MGAM2: variants seen among roughly 807,000 people sequenced by gnomAD.
MGAM2 encodes the protein maltase-glucoamylase 2 (putative).
MGAM2 carries 98 observed loss-of-function variants against 96.1 expected under a neutral mutation model. That is an observed-to-expected ratio of 1.02 (90% CI 0.87 to 1.21). The LOEUF (loss-of-function observed/expected upper bound fraction) is 1.21. MGAM2 is among the 50% of genes most tolerant of loss of function. The pLI is 0.00. For synonymous variants in MGAM2, 749 were observed against 414.8 expected, an observed-to-expected ratio of 1.81 and a Z score of -9.79; for missense variants, 2,055 against 1,182.4, an observed-to-expected ratio of 1.74 and a Z score of -10.82.
intron 18 of MGAM2, 42 bp from the exon 19 acceptor site, chr7:142,158,206 T>C (rs1433921164): frequency 1.4e-6 from 1 of 702,740 alleles, no homozygotes; most frequent in Non-Finnish European, 2.6e-6. Context: ...TTGTCCTGTA[T>C]TAGAGACTTC....
In MGAM2 at chr7:142,154,838, G is replaced by A. The variant is rs1294510210; in HGVS notation, c.1916G>A (p.Gly639Glu). The change falls in exon 17 of 48, where the codon GGG becomes GAG. Residue 639 changes from glycine to glutamate, a missense_variant. Coordinates refer to ENST00000477922, the MANE Select transcript of MGAM2 (RefSeq NM_001293626.2). ...CTACCAAGGAATCACAATGGGCCTGGGTTCAGGGTAAGGTCACCAAAAGAA... is the reference window on the plus strand; with the variant it reads ...CTACCAAGGAATCACAATGGGCCTGAGTTCAGGGTAAGGTCACCAAAAGAA... ...YPLPRNHNGPGFRDQDPAAFG... is the reference protein window; with the variant it reads ...YPLPRNHNGPEFRDQDPAAFG... 2 of 703,190 alleles carry A rather than the reference G, an allele frequency of 2.8e-6. No homozygotes were observed. The highest frequency in any genetic ancestry group is 1.5e-5 in the South Asian group (1 of 67,600). The allele number at this position is 703,190 out of a possible 1,614,324, so 43.6% of individuals were successfully genotyped here.
intron 32 of MGAM2, among the ~76,000 whole-genome samples, chr7:142,178,109 T>C (rs1796430807): frequency 6.6e-6 from 1 of 152,152 alleles, no homozygotes; most frequent in African/African-American, 2.4e-5. Flanking sequence ...CATTTCTCTA[T>C]TAGTTATGCT....
intron 14 of MGAM2, among the ~76,000 whole-genome samples, chr7:142,146,582 G>T (rs911740881): frequency 2.0e-5 from 3 of 152,078 alleles, no homozygotes; most frequent in Non-Finnish European, 4.4e-5. Flanking sequence ...CGGCCCCAGT[G>T]AAGAGTTCAC....
intron 32 of MGAM2, among the ~76,000 whole-genome samples, chr7:142,179,722 A>G (rs908283703): frequency 5.9e-5 from 9 of 152,112 alleles, no homozygotes; most frequent in African/African-American, 2.2e-4. Flanking sequence ...CTACTTGAAC[A>G]TGGTCAGTTA....
chr7:142,131,707 G>T (rs1794894268), intron 5 of MGAM2, 80 bp downstream of exon 5: 1 of 671,010 alleles, frequency 1.5e-6, no homozygotes, highest in African/African-American at 1.8e-5. Flanking sequence ...GGAGGCAGAA[G>T]GTACCTCTCT....
Position 142,141,747 on chromosome 7 carries a change from G to T in MGAM2, c.1317+628G>T, listed in dbSNP as rs182542423. Among the ~76,000 whole-genome samples, 409 of 152,096 alleles carry T rather than the reference G, an allele frequency of 2.7e-3. 4 individuals carry two copies. Among genetic ancestry groups the T allele is most frequent in the African/African-American group, 9.4e-3 (389 of 41,504 alleles). ...ACTCCTGACCTCAGGTGATTTGCCTGCCTCAGCCTCCCAAACTGCTGGGAT... is the reference window on the plus strand; with the variant it reads ...ACTCCTGACCTCAGGTGATTTGCCTTCCTCAGCCTCCCAAACTGCTGGGAT... On this transcript the variant is annotated intron_variant, in intron 12 of 47. Transcript: ENST00000477922.
chr7:142,179,090 G>A (rs1209646434), intron 32 of MGAM2, among the ~76,000 whole-genome samples: 1 of 152,028 alleles, frequency 6.6e-6, no homozygotes, highest in Non-Finnish European at 1.5e-5. Flanking sequence ...GTTCTTCTAG[G>A]TGTGAAGTTG....
chr7:142,209,785 T>C (rs962502651), intron 46 of MGAM2, among the ~76,000 whole-genome samples: 1 of 152,194 alleles, frequency 6.6e-6, no homozygotes, highest in African/African-American at 2.4e-5. Context: ...GAGAGCATAT[T>C]TTAGAGCTGT....
intron 46 of MGAM2, among the ~76,000 whole-genome samples, chr7:142,217,187 A>G (rs1797789569): frequency 3.3e-5 from 5 of 152,110 alleles, no homozygotes; most frequent in Admixed American, 3.3e-4. Context: ...CTCATAATTT[A>G]TGTCATATTA....
At position 142,218,421 on chromosome 7, in the gene MGAM2, G is replaced by A. The variant is rs984865712; in HGVS notation, c.5248G>A (p.Val1750Ile). ...TTTGAGTGACTCGAATCCACTAAAAGTTGGGTATATTAGAATCTGGGGTGT... is the reference window on the plus strand; with the variant it reads ...TTTGAGTGACTCGAATCCACTAAAAATTGGGTATATTAGAATCTGGGGTGT... ...KYLSDSNPLK[V>I]GYIRIWGVNT... The change falls in exon 47 of 48, where the codon GTT becomes ATT. Residue 1750 changes from valine to isoleucine, a missense_variant. By Grantham distance (29) the Val-to-Ile change is conservative. Coordinates refer to ENST00000477922, the MANE Select transcript of MGAM2 (RefSeq NM_001293626.2). 3 of 702,538 alleles carry A rather than the reference G, an allele frequency of 4.3e-6. No individual in the cohort carries two copies. Among genetic ancestry groups the A allele is most frequent in the Non-Finnish European group, 7.8e-6 (3 of 384,848 alleles). The allele number at this position is 702,538 out of a possible 1,614,324, so 43.5% of individuals were successfully genotyped here.
In MGAM2 at chr7:142,185,068, T is replaced by C. The variant is rs1406262565; in HGVS notation, c.3925-9T>C. 2 of 702,846 alleles carry C rather than the reference T, an allele frequency of 2.8e-6. No homozygotes were observed. Among genetic ancestry groups the C allele is most frequent in the Non-Finnish European group, 5.2e-6 (2 of 384,902 alleles). 43.5% of individuals were successfully genotyped at this position (702,846 alleles called of 1,614,324 possible). ...TGTAAAGGTTTTAATTGCCCTTCTT[T>C]TTCTCTAGGTTTGGCCAGATCTGCC... On this transcript the variant is annotated splice_polypyrimidine_tract_variant and intron_variant, in intron 33 of 47. Transcript: ENST00000477922.
chr7:142,175,887 CT>C, intron 32 of MGAM2, 107 bp downstream of exon 32: 1 of 504,030 alleles, frequency 2.0e-6, no homozygotes, highest in South Asian at 3.2e-5. Flanking sequence ...TGTTCCTGTA[CT>C]CTGTACTTTT....
At chr7:142,151,524 G>C (rs937782233) in intron 15 of MGAM2, among the ~76,000 whole-genome samples, 2 of 152,130 alleles carry the variant, frequency 1.3e-5, no homozygotes, top group African/African-American at 4.8e-5. Context: ...ATGAGACTCG[G>C]ATTGGTATTC....
chr7:142,216,498 C>T (rs1415622781), intron 46 of MGAM2, among the ~76,000 whole-genome samples: 1 of 152,108 alleles, frequency 6.6e-6, no homozygotes, highest in African/African-American at 2.4e-5. Context: ...AGAAAGATCG[C>T]AACTTTCCTT....
intron 3 of MGAM2, among the ~76,000 whole-genome samples, chr7:142,124,440 A>G (rs1013857908): frequency 3.9e-5 from 6 of 152,154 alleles, no homozygotes; most frequent in Non-Finnish European, 7.4e-5. Flanking sequence ...TTCTTTTGCC[A>G]ATACCATACA....
intron 46 of MGAM2, among the ~76,000 whole-genome samples, chr7:142,213,405 A>G (rs1797654890): frequency 6.6e-6 from 1 of 152,186 alleles, no homozygotes; most frequent in African/African-American, 2.4e-5. Context: ...GAAATGATTA[A>G]CAGAATAGTT....
chr7:142,158,087 C>T lies in MGAM2; in HGVS notation c.2074C>T (p.His692Tyr), dbSNP rs1795789601. 1.4e-6 allele frequency: 1 copy of T among 702,082 alleles called. No homozygotes were observed. Among genetic ancestry groups the T allele is most frequent in the African/African-American group, 1.7e-5 (1 of 57,232 alleles). The allele number at this position is 702,082 out of a possible 1,614,324, so 43.5% of individuals were successfully genotyped here. Residue 692 changes from histidine to tyrosine, a missense_variant, in exon 18 of 48, where the codon CAT becomes TAT. Transcript: ENST00000477922. Reference sequence around the variant, plus strand: ...AGAGACGGTAGCAAGGCCCCTTGTACATGAGTGAGTTTCCTGATTCTCAAA... The same window carrying T: ...AGAGACGGTAGCAAGGCCCCTTGTATATGAGTGAGTTTCCTGATTCTCAAA... ...RGETVARPLV[H>Y]EFYQDSATWD...
chr7:142,221,445 ACTT>A lies in MGAM2; in HGVS notation c.6937_6939del (p.Ser2313del). The A allele has an allele frequency of 1.7e-6, 1 of 579,020 alleles. No individual in the cohort carries two copies. The highest frequency in any genetic ancestry group is 3.1e-6 in the Non-Finnish European group (1 of 327,010). 35.9% of individuals were successfully genotyped at this position (579,020 alleles called of 1,614,324 possible). Reference sequence around the variant, plus strand: ...TCTTACTTCTATTCCTAGCTCTATTACTTCTATTTTGAGCATGTTTCCAACAAG... The same window carrying A: ...TCTTACTTCTATTCCTAGCTCTATTACTATTTTGAGCATGTTTCCAACAAG... On this transcript the variant is annotated inframe_deletion, in exon 48 of 48. Transcript: ENST00000477922.
intron 12 of MGAM2, among the ~76,000 whole-genome samples, chr7:142,141,884 C>G (rs765134462): frequency 1.6e-4 from 24 of 152,138 alleles, no homozygotes; most frequent in Non-Finnish European, 3.1e-4. Flanking sequence ...ATAGGCTGAG[C>G]TGGGGCCTAT....
Sources: gnomAD v4.1 joint callset for allele counts (sites outside exome capture counted in the v4.1 genomes callset) on GRCh38, gnomAD v4.1.1 for gene constraint, MANE v1.5 for transcripts, NCBI Gene and HGNC (gene_info 2026-07-23, HGNC 2026-07-21) for gene names.